LRRFIP2: variants seen among roughly 807,000 people sequenced by gnomAD.
LRRFIP2 encodes leucine-rich repeat flightless-interacting protein 2.
Under a neutral mutation model 125.9 loss-of-function variants are expected in LRRFIP2, and 109 were observed. The observed-to-expected ratio is 0.87, with a 90% CI of 0.74 to 1.01. The LOEUF (loss-of-function observed/expected upper bound fraction) is 1.01. Among genes scored for constraint, LRRFIP2 ranks in the 50% least tolerant of loss-of-function variants. The pLI is 0.00. For missense variants in LRRFIP2, 850 were observed against 862.3 expected, an observed-to-expected ratio of 0.99 and a Z score of 0.18; for synonymous variants, 291 against 293.1, an observed-to-expected ratio of 0.99 and a Z score of 0.07.
intron 1 of LRRFIP2, among the ~76,000 whole-genome samples, chr3:37,154,244 C>A (rs1271022703): frequency 6.6e-6 from 1 of 152,128 alleles, no homozygotes; most frequent in South Asian, 2.1e-4. Context: ...TCTAGTAACT[C>A]CAGGTCATTC....
At chr3:37,054,932 A>C (rs909773788) in intron 26 of LRRFIP2, among the ~76,000 whole-genome samples, 154 bp downstream of exon 26, 3 of 152,220 alleles carry the variant, frequency 2.0e-5, no homozygotes, top group Non-Finnish European at 4.4e-5. Context: ...AGAAGGCTAA[A>C]ATGTCCCAAC....
At chr3:37,149,779 T>C (rs1192183701) in intron 1 of LRRFIP2, among the ~76,000 whole-genome samples, 5 of 151,670 alleles carry the variant, frequency 3.3e-5, no homozygotes, top group Admixed American at 6.6e-5. Context: ...GGTGGGCAGA[T>C]CACTTGAAGC....
At chr3:37,108,804 C>T (rs753632658) in intron 11 of LRRFIP2, 120 bp from the exon 12 acceptor site, 27 of 682,440 alleles carry the variant, frequency 4.0e-5, no homozygotes, top group Non-Finnish European at 6.2e-5. Context: ...AGTGTATAGC[C>T]TCCCAGAATG....
intron 12 of LRRFIP2, among the ~76,000 whole-genome samples, 198 bp from the exon 13 acceptor site, chr3:37,108,327 G>T (rs1178268681): frequency 6.6e-6 from 1 of 152,210 alleles, no homozygotes; most frequent in East Asian, 1.9e-4. Context: ...AGAGGAAGGG[G>T]ATGCCCTGAG....
At chr3:37,172,358 A>C (rs931617119) in intron 1 of LRRFIP2, among the ~76,000 whole-genome samples, 1 of 152,244 alleles carries the variant, frequency 6.6e-6, no homozygotes, top group African/African-American at 2.4e-5. Flanking sequence ...TTTTTTAAAA[A>C]AGTAAGAAAT....
chr3:37,075,752 A>G (rs184958851), intron 19 of LRRFIP2, among the ~76,000 whole-genome samples: 2 of 152,168 alleles, frequency 1.3e-5, no homozygotes, highest in Non-Finnish European at 2.9e-5. Flanking sequence ...CCAGAAAAAT[A>G]CATACTGAAA....
chr3:37,120,332 C>T (rs529696014), intron 6 of LRRFIP2, among the ~76,000 whole-genome samples: 3 of 151,406 alleles, frequency 2.0e-5, no homozygotes, highest in Non-Finnish European at 4.4e-5. Flanking sequence ...CTTGAACTCC[C>T]GATCTCAGGT....
Position 37,083,735 on chromosome 3 carries a change from C to T in LRRFIP2, c.1179G>A (p.Lys393=), listed in dbSNP as rs147614401. 1.2e-6 allele frequency: 2 copies of T among 1,602,222 alleles called. No individual in the cohort carries two copies. The highest frequency in any genetic ancestry group is 2.7e-5 in the African/African-American group (2 of 74,066). The change falls in exon 19 of 28, where the codon AAG becomes AAA. Residue 393 remains lysine (K), a synonymous_variant. Coordinates refer to ENST00000336686, the MANE Select transcript of LRRFIP2 (RefSeq NM_006309.4). ...TGTCTACTTGGTAGATCAAATTGTTCTTCTCATTGTCTAACTGTGCATTGG... is the reference window on the plus strand; with the variant it reads ...TGTCTACTTGGTAGATCAAATTGTTTTTCTCATTGTCTAACTGTGCATTGG... The part of the protein sequence containing the change: ...MVSNAQLDNE[K]NNLIYQVDTL...
chr3:37,112,334 CAAAAAAAGAAAA>C (rs1178529042), intron 8 of LRRFIP2, among the ~76,000 whole-genome samples: 8 of 73,042 alleles, frequency 1.1e-4, no homozygotes, highest in South Asian at 6.8e-4. Context: ...GACTCCATCT[CAAAAAAAGAAAA>C]AAAAAAAGAA....
At chr3:37,162,682 A>C (rs536630329) in intron 1 of LRRFIP2, among the ~76,000 whole-genome samples, 6 of 152,306 alleles carry the variant, frequency 3.9e-5, no homozygotes, top group Non-Finnish European at 5.9e-5. Context: ...CAAACACAGA[A>C]GAGGGGCAAA....
chr3:37,175,405 G>C (rs2096645778), upstream of LRRFIP2, among the ~76,000 whole-genome samples: 1 of 152,156 alleles, frequency 6.6e-6, no homozygotes, highest in Non-Finnish European at 1.5e-5. Context: ...GCCTGTATTT[G>C]TATCTCCCAC....
intron 17 of LRRFIP2, among the ~76,000 whole-genome samples, chr3:37,092,518 A>G (rs926854619): frequency 2.0e-5 from 3 of 152,360 alleles, no homozygotes; most frequent in Non-Finnish European, 4.4e-5. Context: ...CATTCTCTCA[A>G]GGAAGAAAAA....
intron 2 of LRRFIP2, among the ~76,000 whole-genome samples, chr3:37,140,956 T>C (rs1165350646): frequency 2.0e-5 from 3 of 152,084 alleles, no homozygotes; most frequent in Non-Finnish European, 4.4e-5. Flanking sequence ...CTCATCATCT[T>C]TCACTAAGAT....
intron 2 of LRRFIP2, chr3:37,140,580 A>G (rs539836959): frequency 2.0e-5 from 3 of 151,942 alleles, no homozygotes; most frequent in South Asian, 4.2e-4. Context: ...TAAAAACAAA[A>G]ATTAGCCGGG....
At chr3:37,134,778 A>C in intron 2 of LRRFIP2, 1 of 797,038 alleles carries the variant, frequency 1.3e-6, no homozygotes, top group South Asian at 1.3e-5. Flanking sequence ...TATGGGACCT[A>C]ATGACAGCCC....
At chr3:37,094,661 G>A (rs549383589) in intron 17 of LRRFIP2, 131 bp downstream of exon 17, 3 of 611,330 alleles carry the variant, frequency 4.9e-6, no homozygotes, top group Non-Finnish European at 8.7e-6. Context: ...TCACACTTTT[G>A]TACAGTACTT....
chr3:37,054,964 C>T (rs968107497), intron 26 of LRRFIP2, 122 bp downstream of exon 26: 2 of 659,974 alleles, frequency 3.0e-6, no homozygotes, highest in African/African-American at 3.8e-5. Context: ...GCTGGCTTTT[C>T]TATTTTAATA....
chr3:37,061,835 A>G (rs1365398795), intron 24 of LRRFIP2, among the ~76,000 whole-genome samples: 2 of 152,094 alleles, frequency 1.3e-5, no homozygotes, highest in Admixed American at 6.6e-5. Flanking sequence ...ACCAGATCTC[A>G]TCATTAGACA....
intron 4 of LRRFIP2, among the ~76,000 whole-genome samples, chr3:37,125,042 C>T (rs1034145827): frequency 3.1e-3 from 16 of 5,228 alleles, no homozygotes; most frequent in African/African-American, 6.1e-3. Flanking sequence ...AACAGTACAA[C>T]GCCTTAAAAA....
Sources: allele counts gnomAD v4.1 joint callset (sites outside exome capture counted in the v4.1 genomes callset), GRCh38; gene constraint gnomAD v4.1.1; transcripts MANE v1.5; gene names NCBI Gene and HGNC (gene_info 2026-07-23, HGNC 2026-07-21).